Variants in SP4 observed in about 807,000 individuals in gnomAD.
SP4 encodes Sp4 transcription factor.
SP4 carries 19 observed loss-of-function variants against 72.8 expected under a neutral mutation model. The observed-to-expected ratio is 0.26, with a 90% CI of 0.18 to 0.38. SP4 has a LOEUF of 0.38. Ranked by LOEUF, SP4 falls within the 10% of genes least tolerant of loss-of-function variation. The pLI, the probability that SP4 is intolerant of heterozygous loss-of-function variation, is 1.00. For synonymous variants in SP4, 395 were observed against 333.1 expected, an observed-to-expected ratio of 1.19 and a Z score of -2.02; for missense variants, 1,008 against 926.3, an observed-to-expected ratio of 1.09 and a Z score of -1.14.
intron 5 of SP4, among the ~76,000 whole-genome samples, chr7:21,488,849 A>G (rs905850560): frequency 2.0e-5 from 3 of 152,214 alleles, no homozygotes; most frequent in African/African-American, 4.8e-5. Flanking sequence ...TCATATAGAT[A>G]TGCACACTTT....
Position 21,489,929 on chromosome 7 carries a change from G to A in SP4, c.2107+7806G>A, listed in dbSNP as rs182965177. Among the ~76,000 whole-genome samples the A allele has an allele frequency of 2.6e-3, 403 of 152,218 alleles. 4 individuals are homozygous for A. Among genetic ancestry groups the A allele is most frequent in the African/African-American group, 7.9e-3 (329 of 41,550 alleles). On this transcript the variant is annotated intron_variant, in intron 5 of 5. Transcript: ENST00000222584. ...GCCTCTCAAAGTGCTGGGATTATAG[G>A]TGTGAGCCACAGTGCCCAGCCCCAG...
At chr7:21,493,301 C>T (rs1785026313) in intron 5 of SP4, among the ~76,000 whole-genome samples, 1 of 151,144 alleles carries the variant, frequency 6.6e-6, no homozygotes, top group African/African-American at 2.4e-5. Context: ...AATCAAACAA[C>T]ACATGGGCCA....
chr7:21,499,309 C>T (rs1241249309), intron 5 of SP4, among the ~76,000 whole-genome samples: 3 of 152,022 alleles, frequency 2.0e-5, no homozygotes, highest in African/African-American at 7.3e-5. Context: ...ATGTTTAAAT[C>T]CTAATCCTAG....
rs187891386 is a variant in SP4 at position 21,452,401 on chromosome 7, G to A, written c.1678+21558G>A. On this transcript the variant is annotated intron_variant, in intron 3 of 5. Transcript: ENST00000222584. ...TATCAGTTGGTGCCATCAAATACCTGTATGAATTGGACAAATTCCCCTTGT... is the reference window on the plus strand; with the variant it reads ...TATCAGTTGGTGCCATCAAATACCTATATGAATTGGACAAATTCCCCTTGT... 4.3e-4 allele frequency among the ~76,000 whole-genome samples: 66 copies of A among 152,310 alleles called. No homozygotes were observed. In the East Asian group the frequency reaches 9.6e-3, roughly 22 times the overall value.
chr7:21,503,616 ATAT>A (rs1212980432), intron 5 of SP4, among the ~76,000 whole-genome samples: 1 of 152,154 alleles, frequency 6.6e-6, no homozygotes, highest in African/African-American at 2.4e-5. Context: ...ATCTGTTTTA[ATAT>A]TATTTTGACC....
At chr7:21,501,952 C>A (rs1412780542) in intron 5 of SP4, among the ~76,000 whole-genome samples, 1 of 151,136 alleles carries the variant, frequency 6.6e-6, no homozygotes, top group Non-Finnish European at 1.5e-5. Flanking sequence ...TGTAGTTAAT[C>A]TAGTCCACAT....
intron 3 of SP4, among the ~76,000 whole-genome samples, chr7:21,459,680 C>T (rs548862907): frequency 6.6e-6 from 1 of 152,290 alleles, no homozygotes; most frequent in East Asian, 1.9e-4. Flanking sequence ...ATTGCCTTTG[C>T]TCATATTTTC....
chr7:21,483,391 A>G (rs974710518), intron 5 of SP4, among the ~76,000 whole-genome samples: 1 of 151,902 alleles, frequency 6.6e-6, no homozygotes, highest in Non-Finnish European at 1.5e-5. Context: ...TTAGTCAAAT[A>G]TAAATCTTTT....
At chr7:21,457,580 G>C (rs1783806111) in intron 3 of SP4, among the ~76,000 whole-genome samples, 1 of 152,102 alleles carries the variant, frequency 6.6e-6, no homozygotes. Context: ...TTCCTTTTCA[G>C]AATCATCTAG....
At chr7:21,433,965 A>C (rs1782961981) in intron 3 of SP4, among the ~76,000 whole-genome samples, 1 of 152,136 alleles carries the variant, frequency 6.6e-6, no homozygotes, top group South Asian at 2.1e-4. Context: ...AAAGAAAAAA[A>C]AGACACAAAG....
intron 3 of SP4, among the ~76,000 whole-genome samples, chr7:21,462,504 G>C (rs1784027421): frequency 1.3e-5 from 2 of 152,326 alleles, no homozygotes; most frequent in South Asian, 2.1e-4. Flanking sequence ...AAATGAAAGT[G>C]ATGAACCTGA....
chr7:21,452,590 C>CTAGT (rs2128399120), intron 3 of SP4, among the ~76,000 whole-genome samples: 1 of 152,248 alleles, frequency 6.6e-6, no homozygotes, highest in African/African-American at 2.4e-5. Flanking sequence ...GCATGCCATT[C>CTAGT]CAGTCAAAAC....
In SP4 at chr7:21,481,982, A is replaced by G; in HGVS notation, c.1966A>G (p.Lys656Glu). Residue 656 changes from lysine to glutamate, a missense_variant, in exon 5 of 6, where the codon AAA becomes GAA. Physicochemically the swap from Lys to Glu is moderately conservative, Grantham distance 56. This residue lies in a region of SP4 where 48 missense variants were observed against 117.0 expected (regional missense o/e 0.41). Coordinates refer to ENST00000222584, the MANE Select transcript of SP4 (RefSeq NM_003112.5). ...TATCTGTCATATTGAAGGATGTGGT[A>G]AAGTTTATGGCAAAACATCTCATTT... ...QHICHIEGCGKVYGKTSHLRA... is the reference protein window; with the variant it reads ...QHICHIEGCGEVYGKTSHLRA... The G allele has an allele frequency of 6.2e-7, 1 of 1,614,092 alleles. No individual in the cohort carries two copies. The highest frequency in any genetic ancestry group is 8.5e-7 in the Non-Finnish European group (1 of 1,179,946).
chr7:21,458,733 G>T (rs1783859006), intron 3 of SP4, among the ~76,000 whole-genome samples: 1 of 152,160 alleles, frequency 6.6e-6, no homozygotes, highest in East Asian at 1.9e-4. Context: ...GATAGATCTG[G>T]ATTGCTTGGT....
intron 3 of SP4, among the ~76,000 whole-genome samples, chr7:21,463,785 C>A (rs912416961): frequency 6.6e-6 from 1 of 152,134 alleles, no homozygotes; most frequent in Non-Finnish European, 1.5e-5. Flanking sequence ...GCTTCCTCTC[C>A]GGGGTTCCCC....
chr7:21,449,648 A>G (rs187577260), intron 3 of SP4, among the ~76,000 whole-genome samples: 20 of 152,284 alleles, frequency 1.3e-4, no homozygotes, highest in Admixed American at 8.5e-4. Context: ...AAGATGACAA[A>G]TTCTCATCTA....
At chr7:21,471,151 G>A in intron 3 of SP4, 1 of 534,352 alleles carries the variant, frequency 1.9e-6, no homozygotes, top group Non-Finnish European at 3.8e-6. Context: ...AGTGCCAAGA[G>A]ATGAAGTTAT....
At chr7:21,485,864 C>T (rs1271353100) in intron 5 of SP4, among the ~76,000 whole-genome samples, 2 of 151,906 alleles carry the variant, frequency 1.3e-5, no homozygotes, top group East Asian at 3.8e-4. Flanking sequence ...TTCTGTAGAC[C>T]TGTTCCAGGG....
chr7:21,451,148 T>G (rs560719034), intron 3 of SP4, among the ~76,000 whole-genome samples: 2 of 152,298 alleles, frequency 1.3e-5, no homozygotes, highest in South Asian at 4.1e-4. Context: ...TCTCTTGAGC[T>G]GTTTTTTCCC....
Sources: gnomAD v4.1 joint callset for allele counts (sites outside exome capture counted in the v4.1 genomes callset) on GRCh38, gnomAD v4.1.1 for gene constraint, gnomAD v4.1.1 regional missense constraint, MANE v1.5 for transcripts, NCBI Gene and HGNC (gene_info 2026-07-23, HGNC 2026-07-21) for gene names.